Variants in SMAD3 observed in about 807,000 individuals in gnomAD.
SMAD3 encodes the protein MAD homolog 3.
SMAD3 carries 12 observed loss-of-function variants against 51.8 expected under a neutral mutation model. The observed-to-expected ratio is 0.23, with a 90% CI of 0.15 to 0.38. The LOEUF (loss-of-function observed/expected upper bound fraction) is 0.38. SMAD3 is among the 10% of genes least tolerant of loss of function. The pLI is 1.00. For synonymous variants in SMAD3, 238 were observed against 227.7 expected (o/e 1.05, Z -0.41); for missense variants, 294 against 565.6 (o/e 0.52, Z 4.87).
intron 1 of SMAD3, among the ~76,000 whole-genome samples, chr15:67,087,451 G>A (rs1000073077): frequency 6.6e-6 from 1 of 152,142 alleles, no homozygotes; most frequent in African/African-American, 2.4e-5. Context: ...AAGATACCGT[G>A]TAATAGGATT....
rs374310895 is a variant in SMAD3 at position 67,139,330 on chromosome 15, A to G, written c.207-25565A>G. On this transcript the variant is annotated intron_variant, in intron 1 of 8. Transcript: ENST00000327367. Reference sequence around the variant, plus strand: ...TCCTATAAAATGTCAAGACGGCAATATTAGGTTTCCTGGCTTGCTTTTCCC... The same window carrying G: ...TCCTATAAAATGTCAAGACGGCAATGTTAGGTTTCCTGGCTTGCTTTTCCC... 1.1e-3 allele frequency among the ~76,000 whole-genome samples: 171 copies of G among 152,226 alleles called. 2 individuals are homozygous for G. Among genetic ancestry groups the G allele is most frequent in the African/African-American group, 3.8e-3 (158 of 41,534 alleles).
At chr15:67,106,486 C>A (rs1232561066) in intron 1 of SMAD3, among the ~76,000 whole-genome samples, 1 of 152,096 alleles carries the variant, frequency 6.6e-6, no homozygotes, top group African/African-American at 2.4e-5. Flanking sequence ...TAACTCTATC[C>A]CCAATACACT....
At chr15:67,098,940 G>A (rs1248747265) in intron 1 of SMAD3, 1 of 702,364 alleles carries the variant, frequency 1.4e-6, no homozygotes, top group Admixed American at 2.0e-5. Context: ...CATGGAGATG[G>A]GACAGTGTTC....
At chr15:67,125,836 A>G (rs1961370965) in intron 1 of SMAD3, 1 of 985,472 alleles carries the variant, frequency 1.0e-6, no homozygotes, top group South Asian at 4.7e-5. Flanking sequence ...ACATGTGGGC[A>G]AGAGCCGCGG....
At chr15:67,110,108 A>G (rs1359393337) in intron 1 of SMAD3, among the ~76,000 whole-genome samples, 1 of 152,144 alleles carries the variant, frequency 6.6e-6, no homozygotes, top group Non-Finnish European at 1.5e-5. Context: ...CTTGCTGAAC[A>G]CCTCTAGGTC....
intron 1 of SMAD3, among the ~76,000 whole-genome samples, chr15:67,113,094 A>ATT (rs1555408280): frequency 8.9e-6 from 1 of 112,562 alleles, no homozygotes; most frequent in Non-Finnish European, 1.7e-5. Context: ...ATATATATAT[A>ATT]TTTTTTTGAG....
At chr15:67,178,941 T>G (rs943360745) in intron 5 of SMAD3, among the ~76,000 whole-genome samples, 2 of 152,146 alleles carry the variant, frequency 1.3e-5, no homozygotes, top group African/African-American at 4.8e-5. Flanking sequence ...ACGACAAGAA[T>G]GCTTTGCCTC....
intron 1 of SMAD3, among the ~76,000 whole-genome samples, chr15:67,107,623 G>C (rs1401672453): frequency 6.6e-6 from 1 of 152,214 alleles, no homozygotes; most frequent in Non-Finnish European, 1.5e-5. Flanking sequence ...GGTTTGCCCA[G>C]CCTAAGTCAC....
chr15:67,084,084 T>C (rs1336448849), intron 1 of SMAD3, among the ~76,000 whole-genome samples: 26 of 132,486 alleles, frequency 2.0e-4, no homozygotes, highest in African/African-American at 8.0e-4. Context: ...TTTTTTTTTT[T>C]TTTTTTTTTG....
At chr15:67,099,163 C>T (rs1960692934) in intron 1 of SMAD3, 3 of 631,324 alleles carry the variant, frequency 4.8e-6, no homozygotes, top group South Asian at 1.8e-5. Context: ...TGTTCACAGT[C>T]ACAGGGCTGG....
intron 1 of SMAD3, among the ~76,000 whole-genome samples, chr15:67,157,954 T>C (rs1378102034): frequency 2.0e-5 from 3 of 152,088 alleles, no homozygotes; most frequent in Non-Finnish European, 4.4e-5. Context: ...AGAAAGACCT[T>C]TGGGGGTCTC....
chr15:67,096,107 T>C (rs377181662), intron 1 of SMAD3, among the ~76,000 whole-genome samples: 1 of 152,240 alleles, frequency 6.6e-6, no homozygotes, highest in Admixed American at 6.5e-5. Context: ...AAGAAGGCGA[T>C]GACATTCTAA....
At position 67,150,174 on chromosome 15, in the gene SMAD3, C is replaced by T. The variant is rs148342560; in HGVS notation, c.207-14721C>T. On this transcript the variant is annotated intron_variant, in intron 1 of 8. Transcript: ENST00000327367. ...CTTGTCCTGAGGCACTGCCTCTCCG[C>T]GTGAATGTCACTGAGTCGCCCGGTT... 5.0e-3 allele frequency among the ~76,000 whole-genome samples: 761 copies of T among 152,262 alleles called. 3 individuals carry two copies. The highest frequency in any genetic ancestry group is 7.8e-3 in the Admixed American group (120 of 15,308).
intron 1 of SMAD3, among the ~76,000 whole-genome samples, chr15:67,161,865 T>C (rs950147389): frequency 6.6e-6 from 1 of 152,162 alleles, no homozygotes; most frequent in Non-Finnish European, 1.5e-5. Context: ...GCCCAGTGTC[T>C]CCCAGCTAGG....
chr15:67,185,286 A>G (rs981018444), intron 7 of SMAD3, among the ~76,000 whole-genome samples: 10 of 152,206 alleles, frequency 6.6e-5, no homozygotes, highest in Non-Finnish European at 1.2e-4. Flanking sequence ...TGAGTTCAAT[A>G]TAAGGGACGG....
intron 1 of SMAD3, among the ~76,000 whole-genome samples, chr15:67,073,738 G>A (rs1336748682): frequency 6.6e-6 from 1 of 152,164 alleles, no homozygotes; most frequent in Non-Finnish European, 1.5e-5. Context: ...GCAATGGCGC[G>A]GTCTTGCCTC....
At chr15:67,077,713 G>T (rs897350815) in intron 1 of SMAD3, among the ~76,000 whole-genome samples, 3 of 152,198 alleles carry the variant, frequency 2.0e-5, no homozygotes, top group Non-Finnish European at 4.4e-5. Context: ...GGCCTTGAAG[G>T]ATGGATAGGA....
chr15:67,073,655 T>A (rs887431876), intron 1 of SMAD3, among the ~76,000 whole-genome samples: 4 of 144,696 alleles, frequency 2.8e-5, no homozygotes, highest in African/African-American at 5.1e-5. Context: ...GAATTGGTAT[T>A]CATACAAGCA....
chr15:67,182,569 G>A lies in SMAD3; in HGVS notation c.871+1116G>A, dbSNP rs548710566. Reference sequence around the variant, plus strand: ...TCTGCACTCGCTTGCTTTATATCTCGGGCTCTCACAGAAGACTTCATTTGA... The same window carrying A: ...TCTGCACTCGCTTGCTTTATATCTCAGGCTCTCACAGAAGACTTCATTTGA... On this transcript the variant is annotated intron_variant, in intron 6 of 8. Transcript: ENST00000327367. Among the ~76,000 whole-genome samples, 17 of 152,190 alleles carry A rather than the reference G, an allele frequency of 1.1e-4. No homozygotes were observed. In the South Asian group the frequency reaches 2.1e-3, roughly 19 times the overall value.
Sources: gnomAD v4.1 joint callset for allele counts (sites outside exome capture counted in the v4.1 genomes callset) on GRCh38, gnomAD v4.1.1 for gene constraint, MANE v1.5 for transcripts, NCBI Gene and HGNC (gene_info 2026-07-23, HGNC 2026-07-21) for gene names.